Variants in TSFM observed in about 807,000 individuals in gnomAD.
TSFM encodes the protein Ts translation elongation factor, mitochondrial.
In TSFM, 29 loss-of-function variants were observed where a neutral mutation model predicts 33.4. The observed-to-expected ratio is 0.87, with a 90% CI of 0.65 to 1.18. The LOEUF (loss-of-function observed/expected upper bound fraction) is 1.18, where lower values mean the gene tolerates loss of function less well. Ranked by LOEUF, TSFM falls within the 50% of genes most tolerant of loss-of-function variation. The pLI is 0.00. For missense variants in TSFM, 394 were observed against 395.6 expected (o/e 1.00, Z 0.04); for synonymous variants, 178 against 163.5 (o/e 1.09, Z -0.68).
At chr12:57,799,818 C>A, downstream of TSFM, 2 of 1,614,124 alleles carry the variant, frequency 1.2e-6, no homozygotes, top group Non-Finnish European at 1.7e-6. Flanking sequence ...GGGTTTACAT[C>A]CTCAGGCAGC....
At chr12:57,790,125 G>A (rs949861157) in intron 4 of TSFM, among the ~76,000 whole-genome samples, 6 of 144,438 alleles carry the variant, frequency 4.2e-5, no homozygotes, top group African/African-American at 1.3e-4. Context: ...GTGCAGTGGC[G>A]CGATCTTGGC....
chr12:57,786,105 A>G, intron 2 of TSFM, 58 bp from the exon 3 acceptor site: 1 of 1,520,184 alleles, frequency 6.6e-7, no homozygotes, highest in Non-Finnish European at 8.8e-7. Context: ...TCTTAGAACT[A>G]CATTTAGTGC....
intron 4 of TSFM, among the ~76,000 whole-genome samples, chr12:57,791,321 A>G (rs912333319): frequency 1.3e-5 from 2 of 152,124 alleles, no homozygotes; most frequent in Non-Finnish European, 1.5e-5. Flanking sequence ...GCCAGGTTCA[A>G]TTTTATTTTT....
intron 4 of TSFM, among the ~76,000 whole-genome samples, chr12:57,788,775 C>T (rs924034466): frequency 1.3e-5 from 2 of 152,084 alleles, no homozygotes; most frequent in African/African-American, 4.8e-5. Context: ...GCTGGGACTA[C>T]ATGTGCACAC....
At chr12:57,787,995 G>A (rs978678020) in intron 4 of TSFM, among the ~76,000 whole-genome samples, 4 of 152,162 alleles carry the variant, frequency 2.6e-5, no homozygotes, top group Non-Finnish European at 5.9e-5. Flanking sequence ...AGGGATCAAG[G>A]AAAGGAATTA....
At chr12:57,786,748 T>C (rs1955596125) in intron 3 of TSFM, among the ~76,000 whole-genome samples, 1 of 152,190 alleles carries the variant, frequency 6.6e-6, no homozygotes, top group Non-Finnish European at 1.5e-5. Flanking sequence ...GAGAATGAGG[T>C]GATGATGGTG....
chr12:57,794,239 C>T (rs750752280), intron 5 of TSFM, among the ~76,000 whole-genome samples: 4 of 152,164 alleles, frequency 2.6e-5, no homozygotes, highest in East Asian at 1.9e-4. Flanking sequence ...TGGGTATATG[C>T]TTTGAGCTAT....
chr12:57,784,572 G>C (rs1406536868), intron 2 of TSFM, among the ~76,000 whole-genome samples: 1 of 151,970 alleles, frequency 6.6e-6, no homozygotes, highest in Non-Finnish European at 1.5e-5. Flanking sequence ...GCTTTTTTCT[G>C]TTTTTAAAAT....
downstream of TSFM, chr12:57,799,693 C>G (rs999531556): frequency 8.6e-6 from 13 of 1,509,452 alleles, no homozygotes; most frequent in East Asian, 2.7e-4. Context: ...GTCCATTGAG[C>G]GGCTACAATG....
chr12:57,800,052 T>A, downstream of TSFM: 7 of 1,219,148 alleles, frequency 5.7e-6, no homozygotes, highest in Non-Finnish European at 8.0e-6. Context: ...TTGATAACAA[T>A]GCTCCCCAAA....
chr12:57,788,142 A>G (rs1426414684), intron 4 of TSFM, among the ~76,000 whole-genome samples: 1 of 152,098 alleles, frequency 6.6e-6, no homozygotes, highest in Admixed American at 6.6e-5. Flanking sequence ...AATGTTAATT[A>G]TTATTGGCAT....
At chr12:57,783,755 G>A (rs977180389) in intron 2 of TSFM, 2 of 576,788 alleles carry the variant, frequency 3.5e-6, no homozygotes, top group Non-Finnish European at 3.0e-6. Context: ...CACGACACCC[G>A]GCTATTTTAT....
At position 57,782,788 on chromosome 12, in the gene TSFM, T is replaced by C. The variant is rs756001230; in HGVS notation, c.-14T>C. ...CAGTGCGCCCGCCGGAGGGTGTTTA[T>C]CGCGGCTAGAGAGATGTCGCTGCTG... On this transcript the variant is annotated 5_prime_UTR_variant, in exon 1 of 6. Transcript: ENST00000652027. The C allele has an allele frequency of 1.3e-6, 2 of 1,584,558 alleles. No homozygotes were observed. Among genetic ancestry groups the C allele is most frequent in the South Asian group, 1.2e-5 (1 of 86,676 alleles).
downstream of TSFM, chr12:57,797,961 A>G (rs897946842): frequency 1.4e-5 from 22 of 1,613,188 alleles, no homozygotes; most frequent in South Asian, 2.2e-5. Context: ...TGTGATGCCA[A>G]ACACAGACAC....
downstream of TSFM, chr12:57,800,034 A>T: frequency 9.0e-6 from 12 of 1,336,738 alleles, no homozygotes; most frequent in Non-Finnish European, 1.2e-5. Flanking sequence ...CACCCTCTGT[A>T]ATCATCTTTG....
chr12:57,784,028 A>G (rs1955554689), intron 2 of TSFM: 2 of 702,990 alleles, frequency 2.8e-6, no homozygotes, highest in Admixed American at 2.0e-5. Context: ...ATTTTGGCTT[A>G]TGCACATCAT....
At chr12:57,787,911 G>C (rs577075351) in intron 4 of TSFM, among the ~76,000 whole-genome samples, 1 of 150,940 alleles carries the variant, frequency 6.6e-6, no homozygotes, top group Non-Finnish European at 1.5e-5. Context: ...GCAAAACTCC[G>C]TCTCAGAAAA....
At chr12:57,785,689 TATC>T in intron 2 of TSFM, among the ~76,000 whole-genome samples, 1 of 152,352 alleles carries the variant, frequency 6.6e-6, no homozygotes, top group East Asian at 1.9e-4. Context: ...TTGTTTCAAG[TATC>T]ATGTACTATA....
chr12:57,786,033 G>C, intron 2 of TSFM, 130 bp from the exon 3 acceptor site: 2 of 1,179,602 alleles, frequency 1.7e-6, no homozygotes, highest in Non-Finnish European at 2.3e-6. Flanking sequence ...TAGACTGCCA[G>C]TAAATGATAG....
Sources: gnomAD v4.1 joint callset for allele counts (sites outside exome capture counted in the v4.1 genomes callset) on GRCh38, gnomAD v4.1.1 for gene constraint, MANE v1.5 for transcripts, NCBI Gene and HGNC (gene_info 2026-07-23, HGNC 2026-07-21) for gene names.